Variants in MTUS2 observed in about 807,000 individuals in gnomAD.
The protein encoded by MTUS2 is microtubule-associated tumor suppressor candidate 2.
Under a neutral mutation model 114.1 loss-of-function variants are expected in MTUS2, and 40 were observed. The observed-to-expected ratio is 0.35, with a 90% confidence interval of 0.27 to 0.46. The LOEUF (loss-of-function observed/expected upper bound fraction) is 0.46, where lower values mean the gene tolerates loss of function less well. Ranked by LOEUF, MTUS2 falls within the 20% of genes least tolerant of loss-of-function variation. MTUS2 has a pLI of 1.00. For synonymous variants in MTUS2, 688 were observed against 672.0 expected, an observed-to-expected ratio of 1.02 and a Z score of -0.37; for missense variants, 1,679 against 1,705.4, an observed-to-expected ratio of 0.98 and a Z score of 0.27.
intron 8 of MTUS2, among the ~76,000 whole-genome samples, chr13:29,415,741 T>C (rs920725355): frequency 1.3e-5 from 2 of 152,206 alleles, no homozygotes; most frequent in Non-Finnish European, 2.9e-5. Flanking sequence ...CATAATGTTT[T>C]ATAATTATAT....
intron 5 of MTUS2, among the ~76,000 whole-genome samples, chr13:29,213,325 A>G (rs1243847154): frequency 6.6e-6 from 1 of 152,164 alleles, no homozygotes; most frequent in East Asian, 1.9e-4. Flanking sequence ...TGCTGTTTCT[A>G]TGTGGAGTGT....
At chr13:28,823,740 A>G (rs148206979) in intron 1 of MTUS2, among the ~76,000 whole-genome samples, 1 of 152,316 alleles carries the variant, frequency 6.6e-6, no homozygotes, top group African/African-American at 2.4e-5. Context: ...TGATAAAGAC[A>G]TACCCAAGAC....
chr13:28,947,332 T>G (rs1014009174), intron 2 of MTUS2, among the ~76,000 whole-genome samples: 1 of 152,186 alleles, frequency 6.6e-6, no homozygotes, highest in African/African-American at 2.4e-5. Context: ...AATTAAAGAT[T>G]AGGGGCTGGA....
intron 5 of MTUS2, among the ~76,000 whole-genome samples, chr13:29,247,269 A>G (rs1452957231): frequency 6.6e-6 from 1 of 152,246 alleles, no homozygotes; most frequent in African/African-American, 2.4e-5. Context: ...TCAACTCAAG[A>G]TGGATCAAAG....
intron 9 of MTUS2, among the ~76,000 whole-genome samples, chr13:29,455,092 A>G (rs942465150): frequency 6.6e-6 from 1 of 152,188 alleles, no homozygotes; most frequent in East Asian, 1.9e-4. Flanking sequence ...GTGTCCAGGT[A>G]GTGGCTGCCA....
chr13:29,413,112 T>G (rs1296396151), intron 8 of MTUS2, among the ~76,000 whole-genome samples: 2 of 152,218 alleles, frequency 1.3e-5, no homozygotes, highest in African/African-American at 4.8e-5. Flanking sequence ...ATTCAGCTAA[T>G]CAGCTAATCA....
chr13:29,130,546 C>G (rs2138954727), intron 5 of MTUS2, among the ~76,000 whole-genome samples: 1 of 152,314 alleles, frequency 6.6e-6, no homozygotes, highest in Non-Finnish European at 1.5e-5. Context: ...ACTCAGCCCT[C>G]TTCTATTTTT....
intron 2 of MTUS2, among the ~76,000 whole-genome samples, chr13:29,001,476 G>A (rs4110546): frequency 0.46 from 69,235 of 151,954 alleles, 16,253 homozygotes; most frequent in East Asian, 0.68. Context: ...ACTCCAGGCT[G>A]TTTGCCCTGA....
At chr13:28,956,389 G>A (rs961169101) in intron 2 of MTUS2, among the ~76,000 whole-genome samples, 1 of 152,054 alleles carries the variant, frequency 6.6e-6, no homozygotes, top group African/African-American at 2.4e-5. Flanking sequence ...CAATAGGGCG[G>A]CAGCAACCCA....
At chr13:29,142,913 G>A (rs1892285244) in intron 5 of MTUS2, among the ~76,000 whole-genome samples, 1 of 152,192 alleles carries the variant, frequency 6.6e-6, no homozygotes, top group Admixed American at 6.5e-5. Context: ...ATGTACAAAA[G>A]TGAAGTTTTG....
At chr13:29,476,814 A>G (rs1880739558) in intron 9 of MTUS2, 1 of 152,210 alleles carries the variant, frequency 6.6e-6, no homozygotes, top group African/African-American at 2.4e-5. Flanking sequence ...CTGTATTATC[A>G]GAACATTTCA....
intron 4 of MTUS2, among the ~76,000 whole-genome samples, chr13:29,060,478 C>T (rs1335253324): frequency 1.3e-5 from 2 of 151,714 alleles, no homozygotes; most frequent in Admixed American, 6.6e-5. Flanking sequence ...CCAGCTTCAC[C>T]CCTCTCCGCT....
intron 2 of MTUS2, among the ~76,000 whole-genome samples, chr13:28,876,891 T>C (rs1365968179): frequency 6.6e-6 from 1 of 152,210 alleles, no homozygotes; most frequent in Non-Finnish European, 1.5e-5. Flanking sequence ...ATTTATTAAA[T>C]TAATTTTTTA....
intron 7 of MTUS2, among the ~76,000 whole-genome samples, chr13:29,355,664 G>T (rs766421830): frequency 1.5e-4 from 23 of 152,228 alleles, no homozygotes; most frequent in South Asian, 4.1e-4. Flanking sequence ...TGAATAGAAG[G>T]TGTCAAATGT....
In MTUS2 at chr13:29,480,983, A is replaced by G. The variant is rs976022316; in HGVS notation, c.3399+619A>G. 5.9e-5 allele frequency among the ~76,000 whole-genome samples: 9 copies of G among 152,158 alleles called. No individual in the cohort carries two copies. Among genetic ancestry groups the G allele is most frequent in the African/African-American group, 1.4e-4 (6 of 41,430 alleles). ...AAGAAAGCCAAGCCCCCATGGTTCA[A>G]TAATTTGCCAGAATTCACAGAGCTG... On this transcript the variant is annotated intron_variant, in intron 10 of 15. Transcript: ENST00000612955. The surrounding 1 kb of genome is among the most constrained non-coding windows in gnomAD (Gnocchi z 4.4).
At chr13:29,143,908 G>A (rs1320612143) in intron 5 of MTUS2, among the ~76,000 whole-genome samples, 2 of 152,210 alleles carry the variant, frequency 1.3e-5, no homozygotes, top group Non-Finnish European at 2.9e-5. Flanking sequence ...AGATATTAGA[G>A]GGAAAAGCAA....
chr13:29,429,307 T>C (rs1876817159), intron 8 of MTUS2, among the ~76,000 whole-genome samples: 1 of 152,260 alleles, frequency 6.6e-6, no homozygotes, highest in Non-Finnish European at 1.5e-5. Flanking sequence ...GTGCTAACTT[T>C]GAAAGTTTAC....
At chr13:29,374,149 T>C (rs930630047) in intron 8 of MTUS2, among the ~76,000 whole-genome samples, 2 of 146,750 alleles carry the variant, frequency 1.4e-5, no homozygotes, top group Non-Finnish European at 3.1e-5. Flanking sequence ...TTGTCCAATC[T>C]GAACAACAGA....
chr13:29,133,801 T>C (rs749183045), intron 5 of MTUS2, among the ~76,000 whole-genome samples: 2 of 152,314 alleles, frequency 1.3e-5, no homozygotes, highest in Non-Finnish European at 2.9e-5. Context: ...CAGCTAAATG[T>C]TAGTCAATTT....
Sources: allele counts gnomAD v4.1 joint callset (sites outside exome capture counted in the v4.1 genomes callset), GRCh38; gene constraint gnomAD v4.1.1; non-coding constraint Gnocchi (gnomAD v3.1); transcripts MANE v1.5; gene names NCBI Gene and HGNC (gene_info 2026-07-23, HGNC 2026-07-21).